The following SOX6 variants were observed in gnomAD, a reference collection of about 807,000 sequenced individuals.
The protein encoded by SOX6 is transcription factor SOX-6.
A neutral mutation model predicts 97.8 loss-of-function variants in SOX6; 11 were observed. That is an observed-to-expected ratio of 0.11 (90% CI 0.07 to 0.19). SOX6 has a LOEUF of 0.19. Among genes scored for constraint, SOX6 ranks in the 10% least tolerant of loss-of-function variants. The pLI is 1.00. For synonymous variants in SOX6, 360 were observed against 371.4 expected, an observed-to-expected ratio of 0.97 and a Z score of 0.35; for missense variants, 810 against 1,039.5, an observed-to-expected ratio of 0.78 and a Z score of 3.04.
intron 1 of SOX6, among the ~76,000 whole-genome samples, chr11:16,364,133 T>C (rs1857284358): frequency 6.6e-6 from 1 of 152,122 alleles, no homozygotes; most frequent in South Asian, 2.1e-4. Flanking sequence ...CTTTTCCTCC[T>C]CCCTGAAATT....
At chr11:16,401,637 G>A (rs1434489433) in intron 1 of SOX6, among the ~76,000 whole-genome samples, 3 of 151,392 alleles carry the variant, frequency 2.0e-5, no homozygotes, top group African/African-American at 7.3e-5. Flanking sequence ...TCAAATATAA[G>A]ATTTGGACTA....
At chr11:16,256,847 T>A (rs368150280) in intron 3 of SOX6, among the ~76,000 whole-genome samples, 1 of 151,918 alleles carries the variant, frequency 6.6e-6, no homozygotes, top group Non-Finnish European at 1.5e-5. Context: ...GGAACCAGTA[T>A]GTAATTATAG....
chr11:16,659,966 T>C (rs1847753614), intron 3 of SOX6, among the ~76,000 whole-genome samples: 1 of 152,160 alleles, frequency 6.6e-6, no homozygotes, highest in Non-Finnish European at 1.5e-5. Flanking sequence ...TCAGTATAGT[T>C]GGTCCCACTT....
chr11:16,502,761 G>A (rs1860727639), intron 4 of SOX6, among the ~76,000 whole-genome samples: 1 of 152,162 alleles, frequency 6.6e-6, no homozygotes, highest in Admixed American at 6.5e-5. Context: ...CAGTGTCTCA[G>A]AAGGTGACAA....
intron 4 of SOX6, among the ~76,000 whole-genome samples, chr11:16,496,263 T>A (rs1168587129): frequency 1.4e-5 from 2 of 146,782 alleles, no homozygotes; most frequent in African/African-American, 5.1e-5. Context: ...CCCAGAAAAA[T>A]AATTCAAAAT....
At chr11:16,052,385 T>G (rs1847707559) in intron 10 of SOX6, among the ~76,000 whole-genome samples, 1 of 152,156 alleles carries the variant, frequency 6.6e-6, no homozygotes, top group South Asian at 2.1e-4. Flanking sequence ...ATAAATATTT[T>G]CTCAGATTGT....
At chr11:16,032,078 G>C (rs144788139) in intron 12 of SOX6, among the ~76,000 whole-genome samples, 199 of 152,214 alleles carry the variant, frequency 1.3e-3, no homozygotes, top group African/African-American at 4.6e-3. Context: ...TTTCATCTCC[G>C]TAAGAGTAAC....
chr11:16,128,100 C>T (rs1032458116), intron 6 of SOX6, among the ~76,000 whole-genome samples: 2 of 152,168 alleles, frequency 1.3e-5, no homozygotes, highest in African/African-American at 4.8e-5. Context: ...AAGAAAACTA[C>T]ATCCTAGAAA....
At chr11:16,347,636 G>A (rs776189356) in intron 1 of SOX6, among the ~76,000 whole-genome samples, 56 of 152,120 alleles carry the variant, frequency 3.7e-4, no homozygotes, top group African/African-American at 1.3e-3. Context: ...CTCTGTCAGC[G>A]TGAAACTGGC....
intron 9 of SOX6, among the ~76,000 whole-genome samples, chr11:16,057,536 T>C (rs1043262982): frequency 5.9e-5 from 9 of 152,180 alleles, no homozygotes; most frequent in Non-Finnish European, 1.0e-4. Flanking sequence ...TCAATCTTCT[T>C]GCTCCAAATC....
At chr11:16,349,397 A>T (rs1249365310) in intron 1 of SOX6, among the ~76,000 whole-genome samples, 1 of 151,330 alleles carries the variant, frequency 6.6e-6, no homozygotes, top group East Asian at 2.0e-4. Context: ...CAGGTGGATC[A>T]CTTGAGGTCA....
chr11:16,316,108 G>GTTTTTTT (rs11460457), intron 3 of SOX6: 1 of 147,698 alleles, frequency 6.8e-6, no homozygotes, highest in Non-Finnish European at 1.5e-5. Context: ...AAACTCATAG[G>GTTTTTTT]TTTTTTTTTT....
At chr11:16,543,318 CTT>C (rs1418794784) in intron 4 of SOX6, among the ~76,000 whole-genome samples, 2 of 151,862 alleles carry the variant, frequency 1.3e-5, no homozygotes, top group Non-Finnish European at 2.9e-5. Context: ...GGTAATATCA[CTT>C]TTAGAATTTT....
At chr11:16,112,003 G>A in intron 6 of SOX6, 80 bp from the exon 7 acceptor site, 4 of 1,573,744 alleles carry the variant, frequency 2.5e-6, no homozygotes, top group Non-Finnish European at 3.5e-6. Flanking sequence ...TCCTGGTGGT[G>A]TGCTGGTACC....
chr11:16,558,005 A>G (rs1847767600), intron 4 of SOX6, among the ~76,000 whole-genome samples: 1 of 151,948 alleles, frequency 6.6e-6, no homozygotes, highest in Non-Finnish European at 1.5e-5. Context: ...CACAATTTGA[A>G]AAATTAGCCA....
intron 4 of SOX6, among the ~76,000 whole-genome samples, chr11:16,565,520 T>G (rs1447883071): frequency 1.3e-5 from 2 of 150,852 alleles, no homozygotes; most frequent in Non-Finnish European, 3.0e-5. Context: ...AGACCAAAAC[T>G]CCTCATGAAT....
At chr11:16,291,974 A>C (rs1455123991) in intron 3 of SOX6, among the ~76,000 whole-genome samples, 2 of 152,104 alleles carry the variant, frequency 1.3e-5, no homozygotes, top group Non-Finnish European at 2.9e-5. Flanking sequence ...GCATTAATGC[A>C]TTTGTTAGTC....
At chr11:16,664,306 T>A (rs1847788922) in intron 3 of SOX6, among the ~76,000 whole-genome samples, 2 of 152,140 alleles carry the variant, frequency 1.3e-5, no homozygotes, top group Non-Finnish European at 2.9e-5. Context: ...GAAAAGCCAG[T>A]CTTGAATTGT....
At chr11:16,593,105 T>C (rs1848172969) in intron 4 of SOX6, among the ~76,000 whole-genome samples, 1 of 151,700 alleles carries the variant, frequency 6.6e-6, no homozygotes, top group African/African-American at 2.4e-5. Flanking sequence ...TAGATATTTC[T>C]ATATCTGCCT....
Sources: allele counts gnomAD v4.1 joint callset (sites outside exome capture counted in the v4.1 genomes callset), GRCh38; gene constraint gnomAD v4.1.1; transcripts MANE v1.5; gene names NCBI Gene and HGNC (gene_info 2026-07-23, HGNC 2026-07-21).